SH3BP4: variants seen among roughly 807,000 people sequenced by gnomAD.
The protein encoded by SH3BP4 is SH3 domain binding protein 4.
A neutral mutation model predicts 65.5 loss-of-function variants in SH3BP4; 33 were observed. The observed-to-expected ratio is 0.50, with a 90% CI of 0.38 to 0.67. The LOEUF (loss-of-function observed/expected upper bound fraction) is 0.67. Among genes scored for constraint, SH3BP4 ranks in the 30% least tolerant of loss-of-function variants. SH3BP4 has a pLI of 0.00. For missense variants in SH3BP4, 1,134 were observed against 1,261.4 expected (o/e 0.90, Z 1.53); for synonymous variants, 552 against 545.5 (o/e 1.01, Z -0.17).
chr2:235,054,087 G>A lies in SH3BP4; in HGVS notation c.*271G>A, dbSNP rs1359576023. The A allele has an allele frequency of 2.5e-6, 1 of 402,886 alleles. No homozygotes were observed. Among genetic ancestry groups the A allele is most frequent in the Non-Finnish European group, 4.5e-6 (1 of 223,624 alleles). 25.0% of individuals were successfully genotyped at this position (402,886 alleles called of 1,614,324 possible). ...AAATCACTTTTTTAACGAATGGGGG[G>A]AAGGGATCTATGAGAAAGGTGGTAT... On this transcript the variant is annotated 3_prime_UTR_variant, in exon 6 of 6. Transcript: ENST00000392011.
At chr2:235,024,877 C>A (rs10166724) in intron 2 of SH3BP4, among the ~76,000 whole-genome samples, 5 of 152,140 alleles carry the variant, frequency 3.3e-5, no homozygotes, top group Admixed American at 3.3e-4. Context: ...CGAAGCTTTG[C>A]GGTCTTAAGT....
At chr2:235,011,883 TC>T (rs1265947722) in intron 2 of SH3BP4, among the ~76,000 whole-genome samples, 11 of 152,164 alleles carry the variant, frequency 7.2e-5, no homozygotes, top group Non-Finnish European at 1.6e-4. Context: ...TTGATTAGTG[TC>T]CGTTGAGCGG....
rs1273651778 is a variant in SH3BP4 at position 235,054,195 on chromosome 2, T to C, written c.*379T>C. ...GTTTTTATGTTGTTATAGACCTTTT[T>C]AAATTATGTTAGAGATGTATATAGG... is the stretch of plus-strand genomic sequence containing the variant. On this transcript the variant is annotated 3_prime_UTR_variant, in exon 6 of 6. Transcript: ENST00000392011. 1 of 190,752 alleles carries C rather than the reference T, an allele frequency of 5.2e-6. No homozygotes were observed. Among genetic ancestry groups the C allele is most frequent in the Non-Finnish European group, 1.1e-5 (1 of 89,976 alleles). 11.8% of individuals were successfully genotyped at this position (190,752 alleles called of 1,614,324 possible).
At position 234,985,015 on chromosome 2, in the gene SH3BP4, G is replaced by A. The variant is rs563450594; in HGVS notation, c.-206-10288G>A. Among the ~76,000 whole-genome samples the A allele has an allele frequency of 4.0e-4, 61 of 152,268 alleles. No individual in the cohort carries two copies. The Middle Eastern group carries it at 0.01, about 25-fold the overall frequency. ...ATTGTCTTTCTGGAGGCCAGGAGGC[G>A]GGGGCGTCGACCCCAGGGCAGCCCT... On this transcript the variant is annotated intron_variant, in intron 1 of 5. Transcript: ENST00000392011.
chr2:234,971,426 A>C (rs1215859421), intron 1 of SH3BP4, among the ~76,000 whole-genome samples: 1 of 152,198 alleles, frequency 6.6e-6, no homozygotes, highest in Non-Finnish European at 1.5e-5. Flanking sequence ...CCTCGTGGCT[A>C]TTGCGAATAA....
chr2:234,988,748 C>G (rs907858694), intron 1 of SH3BP4, among the ~76,000 whole-genome samples: 2 of 152,162 alleles, frequency 1.3e-5, no homozygotes, highest in African/African-American at 4.8e-5. Context: ...TGAACAAAGC[C>G]GTTGCGGGTG....
At chr2:234,995,610 G>A (rs1693890775) in intron 2 of SH3BP4, 2 of 152,338 alleles carry the variant, frequency 1.3e-5, no homozygotes, top group Admixed American at 6.5e-5. Flanking sequence ...TGTCCCCAGT[G>A]TGGGAAGGTC....
chr2:235,053,205 A>T (rs1696118141), intron 5 of SH3BP4, among the ~76,000 whole-genome samples: 1 of 152,162 alleles, frequency 6.6e-6, no homozygotes, highest in African/African-American at 2.4e-5. Flanking sequence ...CACCCTAGTA[A>T]GCTTCCTGGA....
chr2:234,970,055 ACT>A (rs1692948086), intron 1 of SH3BP4, among the ~76,000 whole-genome samples: 1 of 140,748 alleles, frequency 7.1e-6, no homozygotes, highest in Non-Finnish European at 1.5e-5. Context: ...ACTCACACAC[ACT>A]CATACACACA....
intron 2 of SH3BP4, among the ~76,000 whole-genome samples, chr2:235,016,843 ACCATCCAT>A (rs371636264): frequency 1.0e-3 from 152 of 152,000 alleles, no homozygotes; most frequent in African/African-American, 3.6e-3. Context: ...TGTGCATCCA[ACCATCCAT>A]CCATCCATCC....
chr2:234,963,417 G>GAATCTGTTGTATAA lies in SH3BP4; in HGVS notation c.-207+11250_-207+11263dup, dbSNP rs772851992. 1.9e-3 allele frequency among the ~76,000 whole-genome samples: 285 copies of GAATCTGTTGTATAA among 152,336 alleles called. 1 individual carries two copies. Among genetic ancestry groups the GAATCTGTTGTATAA allele is most frequent in the South Asian group, 3.9e-3 (19 of 4,830 alleles). On this transcript the variant is annotated intron_variant, in intron 1 of 5. Transcript: ENST00000392011. ...GGGAGTGACGTTGGGAAGAGTTCCA[G>GAATCTGTTGTATAA]AATCTGTTGTATAAAACTTGGTGAA... is the stretch of plus-strand genomic sequence containing the variant.
rs1695667830 is a variant in SH3BP4 at position 235,041,998 on chromosome 2, C to T, written c.1229C>T (p.Thr410Ile). The T allele has an allele frequency of 1.2e-6, 2 of 1,613,818 alleles. No individual in the cohort carries two copies. Among genetic ancestry groups the T allele is most frequent in the Non-Finnish European group, 8.5e-7 (1 of 1,179,790 alleles). ...AAAAATGACCTTTTTAGCAAAAGCACAGTGGGCCTCCAGTGCCTGAGGAGC... is the reference window on the plus strand; with the variant it reads ...AAAAATGACCTTTTTAGCAAAAGCATAGTGGGCCTCCAGTGCCTGAGGAGC... ...EIKNDLFSKS[T>I]VGLQCLRSDS... is the part of the protein sequence containing the mutation. Residue 410 changes from threonine (T) to isoleucine (I), a missense_variant, in exon 4 of 6, where the codon ACA becomes ATA. Transcript: ENST00000392011. The surrounding 1 kb of genome is among the most constrained non-coding windows in gnomAD (Gnocchi z 6.0).
chr2:235,004,509 C>T (rs112659098), intron 2 of SH3BP4, among the ~76,000 whole-genome samples: 2 of 152,318 alleles, frequency 1.3e-5, no homozygotes, highest in African/African-American at 4.8e-5. Context: ...CTAAAGGGCA[C>T]CCATTAGCAG....
intron 2 of SH3BP4, among the ~76,000 whole-genome samples, chr2:235,005,302 G>A (rs1223130428): frequency 1.3e-5 from 2 of 152,040 alleles, no homozygotes; most frequent in Non-Finnish European, 2.9e-5. Context: ...ACCCCAGGGG[G>A]CTCCCCTGAC....
At position 235,045,403 on chromosome 2, in the gene SH3BP4, CA is replaced by C. The variant is rs1246613700; in HGVS notation, c.2478+2159del. ...TCTTTTTCCAAAAGACATAAATGAT[CA>C]AACTCTCTCAATTCGATTGGTGAGC... is the stretch of plus-strand genomic sequence containing the variant. On this transcript the variant is annotated intron_variant, in intron 4 of 5. Coordinates refer to ENST00000392011, the MANE Select transcript of SH3BP4 (RefSeq NM_014521.3). The surrounding 1 kb of genome is among the most constrained non-coding windows in gnomAD (Gnocchi z 4.3). Among the ~76,000 whole-genome samples the C allele has an allele frequency of 1.3e-5, 2 of 152,178 alleles. No individual in the cohort carries two copies. The highest frequency in any genetic ancestry group is 2.9e-5 in the Non-Finnish European group (2 of 68,022).
rs1371463158 is a variant in SH3BP4, at chr2:235,045,010, G to A, written c.2478+1763G>A. ...AGCAGGGAAGCCTCCGGGCCCCCATGTGGGGTCACCTGCAGGGAGGGGATG... is the reference window on the plus strand; with the variant it reads ...AGCAGGGAAGCCTCCGGGCCCCCATATGGGGTCACCTGCAGGGAGGGGATG... On this transcript the variant is annotated intron_variant, in intron 4 of 5. Transcript: ENST00000392011. The surrounding 1 kb of genome is among the most constrained non-coding windows in gnomAD (Gnocchi z 4.3). Among the ~76,000 whole-genome samples, 1 of 152,216 alleles carries A rather than the reference G, an allele frequency of 6.6e-6. No homozygotes were observed. Among genetic ancestry groups the A allele is most frequent in the East Asian group, 1.9e-4 (1 of 5,190 alleles).
chr2:234,989,652 G>A (rs1289560702), intron 1 of SH3BP4, among the ~76,000 whole-genome samples: 1 of 152,228 alleles, frequency 6.6e-6, no homozygotes, highest in African/African-American at 2.4e-5. Flanking sequence ...GCACAGAAGA[G>A]CTATTGATAA....
chr2:234,989,825 T>C (rs1261096841), intron 1 of SH3BP4, among the ~76,000 whole-genome samples: 1 of 152,074 alleles, frequency 6.6e-6, no homozygotes, highest in Non-Finnish European at 1.5e-5. Flanking sequence ...GGTGGCCAGG[T>C]TGGATTTGGC....
At chr2:235,044,879 C>T (rs1695793602) in intron 4 of SH3BP4, among the ~76,000 whole-genome samples, 2 of 152,178 alleles carry the variant, frequency 1.3e-5, no homozygotes, top group East Asian at 1.9e-4. Flanking sequence ...CATGGAGCCA[C>T]GAGATTGCCC....
Sources: allele counts gnomAD v4.1 joint callset (sites outside exome capture counted in the v4.1 genomes callset), GRCh38; gene constraint gnomAD v4.1.1; non-coding constraint Gnocchi (gnomAD v3.1); transcripts MANE v1.5; gene names NCBI Gene and HGNC (gene_info 2026-07-23, HGNC 2026-07-21).